Variants in PTCHD4 observed in about 807,000 individuals in gnomAD.
PTCHD4 encodes patched domain containing 4.
In PTCHD4, 33 loss-of-function variants were observed where a neutral mutation model predicts 58.1. That is an observed-to-expected ratio of 0.57 (90% CI 0.43 to 0.76). The LOEUF (loss-of-function observed/expected upper bound fraction) is 0.76. Ranked by LOEUF, PTCHD4 falls within the 30% of genes least tolerant of loss-of-function variation. The pLI is 0.00. For synonymous variants in PTCHD4, 478 were observed against 409.6 expected, an observed-to-expected ratio of 1.17 and a Z score of -2.02; for missense variants, 1,058 against 1,027.1, an observed-to-expected ratio of 1.03 and a Z score of -0.41.
chr6:47,956,459 A>G (rs538065688), intron 4 of PTCHD4, among the ~76,000 whole-genome samples: 289 of 151,590 alleles, frequency 1.9e-3, no homozygotes, highest in Middle Eastern at 6.8e-3. Flanking sequence ...TTTGAGACGG[A>G]GTCTAGCTAT....
intron 1 of PTCHD4, among the ~76,000 whole-genome samples, chr6:48,091,695 G>A (rs970904193): frequency 7.4e-6 from 1 of 135,854 alleles, no homozygotes; most frequent in Non-Finnish European, 1.6e-5. Context: ...TGCCCAGGAT[G>A]GAGTGTAGTG....
In PTCHD4 at chr6:47,876,825, G is replaced by A. The variant is rs1204780871; in HGVS notation, c.*1478C>T. ...CAAGTAAGCACCCAACAGGTGCTTG[G>A]GAGTAGTTTTAAACTTTAACTTAAT... On this transcript the variant is annotated 3_prime_UTR_variant, in exon 5 of 5. Transcript: ENST00000339488. Among the ~76,000 whole-genome samples the A allele has an allele frequency of 6.6e-6, 1 of 151,980 alleles. No homozygotes were observed. The highest frequency in any genetic ancestry group is 6.6e-5 in the Admixed American group (1 of 15,218).
At chr6:48,083,272 T>C (rs1765200532) in intron 1 of PTCHD4, among the ~76,000 whole-genome samples, 1 of 151,888 alleles carries the variant, frequency 6.6e-6, no homozygotes, top group African/African-American at 2.4e-5. Context: ...TATGGGTAAC[T>C]ATATAACAAG....
At chr6:48,106,023 G>C (rs528026505) in intron 1 of PTCHD4, among the ~76,000 whole-genome samples, 5 of 152,158 alleles carry the variant, frequency 3.3e-5, no homozygotes, top group Non-Finnish European at 7.4e-5. Context: ...ACCATAGGTA[G>C]AAGGAGGAGC....
intron 4 of PTCHD4, among the ~76,000 whole-genome samples, chr6:47,990,198 C>A (rs1768228149): frequency 6.6e-6 from 1 of 152,128 alleles, no homozygotes; most frequent in Non-Finnish European, 1.5e-5. Context: ...TAGAAAGTAA[C>A]CAGCTTGCTT....
At chr6:47,974,745 T>A (rs1767631716) in intron 4 of PTCHD4, among the ~76,000 whole-genome samples, 1 of 152,260 alleles carries the variant, frequency 6.6e-6, no homozygotes, top group Admixed American at 6.5e-5. Context: ...TTTTCATTCT[T>A]AATTGTGTTT....
At position 47,879,039 on chromosome 6, in the gene PTCHD4, T is replaced by C. The variant is rs772757140; in HGVS notation, c.1796A>G (p.Asn599Ser). 14 of 1,613,458 alleles carry C rather than the reference T, an allele frequency of 8.7e-6. No homozygotes were observed. Among genetic ancestry groups the C allele is most frequent in the South Asian group, 3.3e-5 (3 of 91,082 alleles). The change falls in exon 5 of 5, where the codon AAT (asparagine) becomes AGT (serine). Residue 599 changes from asparagine (N) to serine (S), a missense_variant. Coordinates refer to ENST00000339488, the MANE Select transcript of PTCHD4 (RefSeq NM_001384253.1). ...CAGATACAAGCGAGAAGCAATGATATTGCTTTCATCCCCTGCCTTGGAGAA... is the reference window on the plus strand; with the variant it reads ...CAGATACAAGCGAGAAGCAATGATACTGCTTTCATCCCCTGCCTTGGAGAA... ...IIFSKAGDES[N>S]IIASRLYLVA...
chr6:47,982,637 C>T (rs1015930087), intron 4 of PTCHD4, among the ~76,000 whole-genome samples: 4 of 151,994 alleles, frequency 2.6e-5, no homozygotes, highest in Non-Finnish European at 4.4e-5. Context: ...TACAGGCGCC[C>T]GCCACCAGGC....
At chr6:47,890,163 G>A (rs1764332486) in intron 4 of PTCHD4, among the ~76,000 whole-genome samples, 2 of 151,638 alleles carry the variant, frequency 1.3e-5, no homozygotes. Flanking sequence ...GTGTGTCTGT[G>A]TGTGTATATA....
intron 3 of PTCHD4, among the ~76,000 whole-genome samples, chr6:48,042,212 A>G (rs1463517062): frequency 1.3e-5 from 2 of 151,984 alleles, no homozygotes; most frequent in African/African-American, 4.8e-5. Context: ...GCTTCCTGTC[A>G]CCACTCACGT....
At chr6:48,037,758 G>T (rs1418608774) in intron 3 of PTCHD4, among the ~76,000 whole-genome samples, 2 of 151,832 alleles carry the variant, frequency 1.3e-5, no homozygotes, top group Non-Finnish European at 2.9e-5. Flanking sequence ...AAAATGAGGT[G>T]GCACACAGTA....
chr6:48,082,789 A>G (rs1405504111), intron 1 of PTCHD4, among the ~76,000 whole-genome samples: 1 of 152,138 alleles, frequency 6.6e-6, no homozygotes, highest in Admixed American at 6.5e-5. Flanking sequence ...TTAAAATATA[A>G]GAAATTGACA....
intron 3 of PTCHD4, among the ~76,000 whole-genome samples, chr6:48,014,675 A>G (rs550220621): frequency 7.9e-5 from 12 of 152,260 alleles, no homozygotes; most frequent in African/African-American, 2.6e-4. Context: ...TTCACTGGAG[A>G]TGCCTGGATG....
chr6:47,923,857 C>A (rs992928723), intron 4 of PTCHD4, among the ~76,000 whole-genome samples: 4 of 152,162 alleles, frequency 2.6e-5, no homozygotes, highest in African/African-American at 9.7e-5. Flanking sequence ...CACCTCAGTT[C>A]TCTTGGCACG....
At chr6:47,936,906 AGCTAG>A (rs1766020525) in intron 4 of PTCHD4, among the ~76,000 whole-genome samples, 1 of 152,238 alleles carries the variant, frequency 6.6e-6, no homozygotes, top group Admixed American at 6.5e-5. Flanking sequence ...GAGGTGGTCA[AGCTAG>A]GTTAGAAAAG....
intron 4 of PTCHD4, among the ~76,000 whole-genome samples, chr6:47,907,845 G>A (rs952896607): frequency 2.0e-5 from 3 of 152,122 alleles, no homozygotes; most frequent in African/African-American, 4.8e-5. Flanking sequence ...AGCCAGGATG[G>A]TGTCAGCAGA....
intron 4 of PTCHD4, among the ~76,000 whole-genome samples, chr6:47,930,190 C>A (rs1765764405): frequency 6.6e-6 from 1 of 152,128 alleles, no homozygotes; most frequent in Non-Finnish European, 1.5e-5. Flanking sequence ...TTGGGGTAAG[C>A]ACAAAGCTCT....
chr6:47,884,218 G>T (rs1031280348), intron 4 of PTCHD4, among the ~76,000 whole-genome samples: 2 of 152,058 alleles, frequency 1.3e-5, no homozygotes, highest in Non-Finnish European at 2.9e-5. Flanking sequence ...CCAAAAATTA[G>T]AATTTAGGAT....
In PTCHD4 at chr6:47,878,858, C is replaced by T. The variant is rs879231616; in HGVS notation, c.1977G>A (p.Leu659=). Residue 659 remains leucine (L), a synonymous_variant, in exon 5 of 5, where the codon CTG becomes CTA. Transcript: ENST00000339488. ...HYSLSVTVPV[L]IAGFGVLLVL... is the part of the protein sequence containing the mutation. ...CCAGGAGAACACCAAAGCCTGCAAT[C>T]AGAACAGGCACTGTGACAGACAAGC... 1 of 1,613,530 alleles carries T rather than the reference C, an allele frequency of 6.2e-7. No individual in the cohort carries two copies. Among genetic ancestry groups the T allele is most frequent in the African/African-American group, 1.3e-5 (1 of 74,858 alleles).
Sources: allele counts gnomAD v4.1 joint callset (sites outside exome capture counted in the v4.1 genomes callset), GRCh38; gene constraint gnomAD v4.1.1; transcripts MANE v1.5; gene names NCBI Gene and HGNC (gene_info 2026-07-23, HGNC 2026-07-21).